ARHGAP26: variants seen among roughly 807,000 people sequenced by gnomAD.
ARHGAP26 encodes the protein rho GTPase-activating protein 26.
A neutral mutation model predicts 104.8 loss-of-function variants in ARHGAP26; 38 were observed. That is an observed-to-expected ratio of 0.36 (90% CI 0.28 to 0.48). The LOEUF (loss-of-function observed/expected upper bound fraction) is 0.48, where lower values mean the gene tolerates loss of function less well. Ranked by LOEUF, ARHGAP26 falls within the 20% of genes least tolerant of loss-of-function variation. ARHGAP26 has a pLI of 0.99. For missense variants in ARHGAP26, 704 were observed against 947.9 expected (o/e 0.74, Z 3.38); for synonymous variants, 341 against 340.0 (o/e 1.00, Z -0.03).
rs764633433 is a variant in ARHGAP26, at chr5:142,907,779, T to G, written c.908T>G (p.Phe303Cys). The G allele has an allele frequency of 6.2e-7, 1 of 1,611,234 alleles. No homozygotes were observed. Among genetic ancestry groups the G allele is most frequent in the Admixed American group, 1.7e-5 (1 of 59,974 alleles). ...TCCAAACAAATCACCATGGTACCAT[T>G]TGACCAAAAGTCAGGAGGAAAAGGG... ...RDSKQITMVP[F>C]DQKSGGKGGE... The change falls in exon 9 of 23, where the codon TTT (phenylalanine) becomes TGT (cysteine). Residue 303 changes from phenylalanine to cysteine, a missense_variant. Coordinates refer to ENST00000645722, the MANE Select transcript of ARHGAP26 (RefSeq NM_001135608.3).
chr5:143,159,153 A>G (rs1031444461), intron 20 of ARHGAP26, among the ~76,000 whole-genome samples: 2 of 152,208 alleles, frequency 1.3e-5, no homozygotes, highest in Admixed American at 1.3e-4. Context: ...ACCTTCAGTC[A>G]AGGGACACAG....
Position 143,143,835 on chromosome 5 carries a change from T to C in ARHGAP26, c.1838-3396T>C, listed in dbSNP as rs139949946. 7.3e-3 allele frequency among the ~76,000 whole-genome samples: 1,114 copies of C among 152,308 alleles called. 6 individuals are homozygous for C. The highest frequency in any genetic ancestry group is 0.011 in the Non-Finnish European group (753 of 68,022). ...GTAGTTTGCATCCTTAAGGACCAAGTTCACATGCAGTTTGTCACTCCTTAT... is the reference window on the plus strand; with the variant it reads ...GTAGTTTGCATCCTTAAGGACCAAGCTCACATGCAGTTTGTCACTCCTTAT... On this transcript the variant is annotated intron_variant, in intron 19 of 22. Transcript: ENST00000645722.
intron 17 of ARHGAP26, among the ~76,000 whole-genome samples, chr5:143,067,030 T>G (rs1480341734): frequency 1.4e-5 from 2 of 146,610 alleles, no homozygotes; most frequent in African/African-American, 2.5e-5. Context: ...CTCCCCCTCC[T>G]CTGCCCCTCC....
At chr5:143,104,248 G>A (rs765252091) in intron 17 of ARHGAP26, among the ~76,000 whole-genome samples, 27 of 152,084 alleles carry the variant, frequency 1.8e-4, no homozygotes, top group Non-Finnish European at 3.8e-4. Context: ...AGTGACTCAC[G>A]CCTGTAATCC....
chr5:143,200,855 C>T (rs531080787), intron 20 of ARHGAP26, among the ~76,000 whole-genome samples: 4 of 152,270 alleles, frequency 2.6e-5, no homozygotes, highest in African/African-American at 9.6e-5. Context: ...CTGCCACATC[C>T]CTTGTCAGAC....
chr5:142,949,180 A>AGAGAGAG (rs1767692650), intron 11 of ARHGAP26, among the ~76,000 whole-genome samples: 1 of 7,526 alleles, frequency 1.3e-4, no homozygotes, highest in Non-Finnish European at 2.2e-4. Context: ...AGAGAGAGAG[A>AGAGAGAG]GAGAGAGAGA....
intron 1 of ARHGAP26, among the ~76,000 whole-genome samples, chr5:142,850,211 T>G (rs999038234): frequency 2.6e-5 from 4 of 152,210 alleles, no homozygotes; most frequent in Admixed American, 2.0e-4. Flanking sequence ...GTGTCCTGCC[T>G]CTGTGCTTTT....
intron 1 of ARHGAP26, among the ~76,000 whole-genome samples, chr5:142,793,544 T>C (rs1424531434): frequency 6.6e-6 from 1 of 152,066 alleles, no homozygotes; most frequent in Non-Finnish European, 1.5e-5. Flanking sequence ...GTGAAGGCAG[T>C]GCTAGTTATC....
At chr5:142,817,478 G>A (rs1765358893) in intron 1 of ARHGAP26, among the ~76,000 whole-genome samples, 1 of 152,200 alleles carries the variant, frequency 6.6e-6, no homozygotes, top group Non-Finnish European at 1.5e-5. Context: ...GTGCCTTGCA[G>A]TCCCGGGTTC....
intron 18 of ARHGAP26, among the ~76,000 whole-genome samples, chr5:143,131,448 G>A (rs535671644): frequency 6.6e-6 from 1 of 152,260 alleles, no homozygotes; most frequent in Non-Finnish European, 1.5e-5. Flanking sequence ...GGATGAGAGG[G>A]AAAATAATGA....
intron 17 of ARHGAP26, among the ~76,000 whole-genome samples, chr5:143,060,046 T>C (rs956625765): frequency 2.0e-5 from 3 of 152,222 alleles, no homozygotes; most frequent in African/African-American, 7.2e-5. Context: ...TTAAACTTTA[T>C]ATTCTCATTT....
chr5:142,840,550 A>G (rs1770564981), intron 1 of ARHGAP26, among the ~76,000 whole-genome samples: 1 of 152,234 alleles, frequency 6.6e-6, no homozygotes, highest in Admixed American at 6.5e-5. Context: ...AAAGACAGAC[A>G]GTAAACAAGA....
intron 8 of ARHGAP26, among the ~76,000 whole-genome samples, chr5:142,904,618 G>A (rs1760851156): frequency 6.6e-6 from 1 of 152,176 alleles, no homozygotes; most frequent in South Asian, 2.1e-4. Context: ...TTTTAGTGAT[G>A]ACTCACAAGT....
chr5:142,940,600 TC>T (rs1444833977), intron 11 of ARHGAP26, among the ~76,000 whole-genome samples: 2 of 152,196 alleles, frequency 1.3e-5, no homozygotes, highest in African/African-American at 4.8e-5. Flanking sequence ...GACCTCTAAC[TC>T]CATCTGCATT....
chr5:143,137,399 T>G (rs181514588), intron 19 of ARHGAP26, among the ~76,000 whole-genome samples: 2 of 152,356 alleles, frequency 1.3e-5, no homozygotes, highest in African/African-American at 4.8e-5. Flanking sequence ...TTCATGTCAG[T>G]TTCCTGCTGT....
At chr5:143,185,479 A>G (rs1395604289) in intron 20 of ARHGAP26, among the ~76,000 whole-genome samples, 2 of 152,242 alleles carry the variant, frequency 1.3e-5, no homozygotes, top group Non-Finnish European at 2.9e-5. Context: ...ACCAAAAACG[A>G]AGTAGAAAGA....
rs188066101 is a variant in ARHGAP26, at chr5:143,223,913, C to T, written c.*1467C>T. 6.1e-5 allele frequency: 14 copies of T among 231,292 alleles called. No homozygotes were observed. The highest frequency in any genetic ancestry group is 2.2e-5 in the African/African-American group (1 of 45,192). The allele number at this position is 231,292 out of a possible 1,614,324, so 14.3% of individuals were successfully genotyped here. ...TTGGCCTGCAAACAACAGAGTTATC[C>T]GTATCTTCCACATGTGAATGTCATT... On this transcript the variant is annotated 3_prime_UTR_variant, in exon 23 of 23. Coordinates refer to ENST00000645722, the MANE Select transcript of ARHGAP26 (RefSeq NM_001135608.3).
rs900636430 is a variant in ARHGAP26 at position 142,913,180 on chromosome 5, G to A, written c.934-19G>A. The A allele has an allele frequency of 5.6e-6, 9 of 1,608,890 alleles. No homozygotes were observed. Among genetic ancestry groups the A allele is most frequent in the Non-Finnish European group, 7.7e-6 (9 of 1,175,432 alleles). Reference sequence around the variant, plus strand: ...CTCCCATTCTGGCCTCATCTTGATAGTCTGTGTGTTCCCACTAGGGAGAAG... The same window carrying A: ...CTCCCATTCTGGCCTCATCTTGATAATCTGTGTGTTCCCACTAGGGAGAAG... On this transcript the variant is annotated intron_variant, in intron 9 of 22. Transcript: ENST00000645722.
rs773073487 is a variant in ARHGAP26, at chr5:143,223,680, A to G, written c.*1234A>G. 10 of 230,868 alleles carry G rather than the reference A, an allele frequency of 4.3e-5. No homozygotes were observed. The highest frequency in any genetic ancestry group is 6.6e-5 in the African/African-American group (3 of 45,190). The allele number at this position is 230,868 out of a possible 1,614,324, so 14.3% of individuals were successfully genotyped here. A position where few individuals can be genotyped will look rare whatever the true frequency, so the allele number is the denominator to read the frequency against. On this transcript the variant is annotated 3_prime_UTR_variant, in exon 23 of 23. Transcript: ENST00000645722. ...TGGCCTATAGTTTAAAAGCACATCTATGTTCACTGCCACTCTGAAAAAGGG... is the reference window on the plus strand; with the variant it reads ...TGGCCTATAGTTTAAAAGCACATCTGTGTTCACTGCCACTCTGAAAAAGGG...
Sources: allele counts gnomAD v4.1 joint callset (sites outside exome capture counted in the v4.1 genomes callset), GRCh38; gene constraint gnomAD v4.1.1; transcripts MANE v1.5; gene names NCBI Gene and HGNC (gene_info 2026-07-23, HGNC 2026-07-21).